DTHD1: variants seen among roughly 807,000 people sequenced by gnomAD.
DTHD1 encodes the protein death domain-containing protein 1.
In DTHD1, 59 loss-of-function variants were observed where a neutral mutation model predicts 74.8. The ratio of observed to expected loss-of-function variants is 0.79; its 90% CI spans 0.64 to 0.98. The LOEUF (loss-of-function observed/expected upper bound fraction) is 0.98, where lower values mean the gene tolerates loss of function less well. Among genes scored for constraint, DTHD1 ranks in the 50% least tolerant of loss-of-function variants. The pLI is 0.00. For missense variants in DTHD1, 1,051 were observed against 1,065.4 expected, an observed-to-expected ratio of 0.99 and a Z score of 0.19; for synonymous variants, 365 against 371.1, an observed-to-expected ratio of 0.98 and a Z score of 0.19.
intron 8 of DTHD1, among the ~76,000 whole-genome samples, chr4:36,331,127 C>T (rs56227155): frequency 1.3e-5 from 2 of 151,786 alleles, no homozygotes; most frequent in Non-Finnish European, 2.9e-5. Flanking sequence ...ATAAATAAAT[C>T]TTTTATTTTG....
At chr4:36,308,858 C>T (rs188905161) in intron 7 of DTHD1, among the ~76,000 whole-genome samples, 420 of 152,246 alleles carry the variant, frequency 2.8e-3, no homozygotes, top group African/African-American at 9.0e-3. Context: ...TAAGAGTGAT[C>T]ATTTAAAAAC....
At chr4:36,301,725 C>T (rs1185768638) in intron 5 of DTHD1, among the ~76,000 whole-genome samples, 1 of 152,030 alleles carries the variant, frequency 6.6e-6, no homozygotes, top group African/African-American at 2.4e-5. Context: ...TCTGATCGTC[C>T]CTAGGAATAC....
At chr4:36,312,037 G>A (rs748051748) in intron 7 of DTHD1, among the ~76,000 whole-genome samples, 12 of 152,118 alleles carry the variant, frequency 7.9e-5, no homozygotes, top group African/African-American at 1.4e-4. Flanking sequence ...GGATAGGTGC[G>A]TCCTTTGGTT....
At chr4:36,331,730 T>G (rs1043486303) in intron 8 of DTHD1, among the ~76,000 whole-genome samples, 14 of 152,294 alleles carry the variant, frequency 9.2e-5, no homozygotes, top group African/African-American at 3.1e-4. Context: ...AAAAACAGCG[T>G]GTCATTTTCT....
At chr4:36,285,641 A>C (rs1755656389) in intron 2 of DTHD1, among the ~76,000 whole-genome samples, 1 of 29,730 alleles carries the variant, frequency 3.4e-5, no homozygotes, top group Non-Finnish European at 6.5e-5. Context: ...CACGCTTAGA[A>C]GTGAAAAAAA....
intron 5 of DTHD1, among the ~76,000 whole-genome samples, chr4:36,296,445 A>T (rs1311846849): frequency 6.6e-6 from 1 of 152,162 alleles, no homozygotes; most frequent in African/African-American, 2.4e-5. Context: ...AGCAAAAAAA[A>T]TCAAAAGTAA....
intron 5 of DTHD1, among the ~76,000 whole-genome samples, chr4:36,305,049 G>T (rs1449745901): frequency 6.6e-6 from 1 of 152,134 alleles, no homozygotes; most frequent in Non-Finnish European, 1.5e-5. Flanking sequence ...GGTACATACA[G>T]CCAATTTCTT....
At chr4:36,299,902 T>C (rs1756659732) in intron 5 of DTHD1, among the ~76,000 whole-genome samples, 1 of 152,126 alleles carries the variant, frequency 6.6e-6, no homozygotes, top group South Asian at 2.1e-4. Flanking sequence ...CCCAGGAGAT[T>C]GAGGCTGCAG....
intron 5 of DTHD1, among the ~76,000 whole-genome samples, chr4:36,299,221 T>A (rs1756617890): frequency 6.6e-6 from 1 of 152,220 alleles, no homozygotes; most frequent in Non-Finnish European, 1.5e-5. Context: ...ACTCTATAGG[T>A]TAAAGTTGAG....
chr4:36,342,136 C>T (rs1212735861), intron 9 of DTHD1, among the ~76,000 whole-genome samples: 1 of 152,174 alleles, frequency 6.6e-6, no homozygotes, highest in African/African-American at 2.4e-5. Flanking sequence ...AAGTTGCCTA[C>T]AGAGTGTTGC....
At position 36,343,863 on chromosome 4, in the gene DTHD1, C is replaced by G; in HGVS notation, c.*39C>G. 6.8e-7 allele frequency: 1 copy of G among 1,475,732 alleles called. No individual in the cohort carries two copies. Among genetic ancestry groups the G allele is most frequent in the Non-Finnish European group, 9.0e-7 (1 of 1,110,250 alleles). The allele number at this position is 1,475,732 out of a possible 1,614,324, so 91.4% of individuals were successfully genotyped here. ...CTTCCTTTACCCCTAGGAAAAGGCA[C>G]ACGGTGGGTTTTTGTTTCTGTCAAC... On this transcript the variant is annotated 3_prime_UTR_variant, in exon 10 of 10. Transcript: ENST00000639862.
intron 7 of DTHD1, among the ~76,000 whole-genome samples, chr4:36,314,767 TTTTG>T (rs34233208): frequency 0.17 from 23,433 of 138,018 alleles, 2,552 homozygotes; most frequent in Non-Finnish European, 0.26. Context: ...TTTTTTTTTT[TTTTG>T]CATGCAAATT....
In DTHD1 at chr4:36,306,331, A is replaced by G. The variant is rs1757049334; in HGVS notation, c.1784A>G (p.Glu595Gly). 2.6e-6 allele frequency: 4 copies of G among 1,550,150 alleles called. No homozygotes were observed. In the East Asian group the frequency reaches 9.8e-5, roughly 38 times the overall value. ...ATACAGAGCGGCTTGGTATCAGTTG[A>G]ATTGTATGAACATTTGGAGAGGTAA... is the stretch of plus-strand genomic sequence containing the variant. ...KTIQSGLVSV[E>G]LYEHLERFIV... Residue 595 changes from glutamate to glycine, a missense_variant, in exon 6 of 10, where the codon GAA becomes GGA. By Grantham distance (98) the Glu-to-Gly change is moderately conservative. Coordinates refer to ENST00000639862, the MANE Select transcript of DTHD1 (RefSeq NM_001170700.3).
intron 8 of DTHD1, among the ~76,000 whole-genome samples, chr4:36,327,571 T>C (rs1758425101): frequency 6.6e-6 from 1 of 152,208 alleles, no homozygotes; most frequent in Admixed American, 6.5e-5. Flanking sequence ...TCTTATGCAT[T>C]TTAACGATTA....
At chr4:36,292,382 C>A (rs941175758) in intron 3 of DTHD1, among the ~76,000 whole-genome samples, 6 of 152,082 alleles carry the variant, frequency 3.9e-5, no homozygotes, top group Admixed American at 3.9e-4. Flanking sequence ...CAAATACAGG[C>A]GTGAATTTTT....
intron 5 of DTHD1, among the ~76,000 whole-genome samples, chr4:36,297,948 G>A (rs1375351264): frequency 2.6e-5 from 4 of 151,892 alleles, no homozygotes; most frequent in African/African-American, 9.7e-5. Context: ...GTGTGTGTGT[G>A]TGTGTGTTTA....
chr4:36,332,390 T>G (rs1252272732), intron 8 of DTHD1, among the ~76,000 whole-genome samples: 5 of 152,312 alleles, frequency 3.3e-5, no homozygotes, highest in African/African-American at 4.8e-5. Context: ...TAGGTTTTAC[T>G]GGGTATTGTG....
At chr4:36,337,143 G>A (rs1164168447) in intron 8 of DTHD1, among the ~76,000 whole-genome samples, 2 of 151,984 alleles carry the variant, frequency 1.3e-5, no homozygotes, top group Non-Finnish European at 2.9e-5. Flanking sequence ...CGAAAAGAGG[G>A]CACAGACCAA....
At chr4:36,282,735 G>A (rs1172873444) in intron 1 of DTHD1, among the ~76,000 whole-genome samples, 3 of 152,096 alleles carry the variant, frequency 2.0e-5, no homozygotes, top group Non-Finnish European at 2.9e-5. Flanking sequence ...AGATAAGTGG[G>A]CAGGTTCCAT....
Sources: gnomAD v4.1 joint callset for allele counts (sites outside exome capture counted in the v4.1 genomes callset) on GRCh38, gnomAD v4.1.1 for gene constraint, MANE v1.5 for transcripts, NCBI Gene and HGNC (gene_info 2026-07-23, HGNC 2026-07-21) for gene names.